CREBRF: variants seen among roughly 807,000 people sequenced by gnomAD.
CREBRF encodes the protein UPF0474 protein C5orf41.
CREBRF carries 5 observed loss-of-function variants against 66.1 expected under a neutral mutation model. That is an observed-to-expected ratio of 0.08 (90% CI 0.04 to 0.16). The LOEUF is 0.16. Among genes scored for constraint, CREBRF ranks in the 10% least tolerant of loss-of-function variants. The probability of loss-of-function intolerance (pLI) is 1.00; values close to 1 mark genes in which losing one functional copy is unlikely to be tolerated. For missense variants in CREBRF, 531 were observed against 744.9 expected (o/e 0.71, Z 3.34); for synonymous variants, 229 against 264.4 (o/e 0.87, Z 1.30).
intron 8 of CREBRF, among the ~76,000 whole-genome samples, chr5:173,131,184 T>A (rs1314293153): frequency 6.6e-6 from 1 of 152,222 alleles, no homozygotes; most frequent in Non-Finnish European, 1.5e-5. Context: ...TCTACCTCTA[T>A]CTACATGTGT....
At chr5:173,092,728 T>C (rs1189614214) in intron 4 of CREBRF, among the ~76,000 whole-genome samples, 1 of 152,222 alleles carries the variant, frequency 6.6e-6, no homozygotes, top group East Asian at 1.9e-4. Context: ...TAGTGAAACA[T>C]TATTCTTACT....
intron 4 of CREBRF, 186 bp downstream of exon 4, chr5:173,091,587 T>C (rs1758341583): frequency 7.2e-7 from 1 of 1,382,168 alleles, no homozygotes. Flanking sequence ...TCACTTTTGC[T>C]CACATAGGGA....
chr5:173,095,398 C>T (rs1430170455), intron 4 of CREBRF, among the ~76,000 whole-genome samples: 3 of 151,894 alleles, frequency 2.0e-5, no homozygotes. Flanking sequence ...ACTGTCTTAG[C>T]CAGGATGGTC....
intron 3 of CREBRF, among the ~76,000 whole-genome samples, chr5:173,088,828 A>T (rs1758242776): frequency 6.6e-6 from 1 of 152,170 alleles, no homozygotes; most frequent in Non-Finnish European, 1.5e-5. Context: ...TGAATTGTCT[A>T]CTTAATATAG....
intron 4 of CREBRF, among the ~76,000 whole-genome samples, chr5:173,105,753 C>T (rs143861528): frequency 0.02 from 2,993 of 152,034 alleles, 105 homozygotes; most frequent in African/African-American, 0.067. Context: ...CATGAGCCAC[C>T]GTGCCTGGCC....
chr5:173,113,714 A>G (rs1758921268), intron 7 of CREBRF, among the ~76,000 whole-genome samples: 1 of 152,172 alleles, frequency 6.6e-6, no homozygotes, highest in Non-Finnish European at 1.5e-5. Context: ...CATGTAGAAA[A>G]TTATCATCTC....
Position 173,067,926 on chromosome 5 carries a change from G to A in CREBRF, c.-192+11447G>A, listed in dbSNP as rs549539545. Among the ~76,000 whole-genome samples the A allele has an allele frequency of 1.0e-3, 156 of 152,228 alleles. 2 individuals are homozygous for A. Among genetic ancestry groups the A allele is most frequent in the Admixed American group, 9.2e-3 (141 of 15,286 alleles). On this transcript the variant is annotated intron_variant, in intron 1 of 8. Transcript: ENST00000296953. ...GAGGCAGGAGAATGGTGTGAACCCA[G>A]AAGGTGGAGCTTGCAGTGAGCCAAG...
intron 5 of CREBRF, 184 bp from the exon 6 acceptor site, chr5:173,110,338 A>T (rs942603251): frequency 2.9e-6 from 2 of 690,950 alleles, no homozygotes; most frequent in Non-Finnish European, 5.3e-6. Flanking sequence ...CAGCCACAAG[A>T]TGGGAAGGAG....
At chr5:173,093,508 A>G (rs897730075) in intron 4 of CREBRF, among the ~76,000 whole-genome samples, 2 of 152,204 alleles carry the variant, frequency 1.3e-5, no homozygotes, top group African/African-American at 2.4e-5. Context: ...AATTTGGCCT[A>G]CACAATACAG....
intron 2 of CREBRF, among the ~76,000 whole-genome samples, chr5:173,081,228 G>GAC (rs1581670469): frequency 1.3e-5 from 2 of 152,036 alleles, no homozygotes; most frequent in East Asian, 3.9e-4. Flanking sequence ...CTTTCTCATA[G>GAC]ACACACACAC....
rs181616692 is a variant in CREBRF at position 173,127,262 on chromosome 5, A to G, written c.1804+4060A>G. On this transcript the variant is annotated intron_variant, in intron 8 of 8. Coordinates refer to ENST00000296953, the MANE Select transcript of CREBRF (RefSeq NM_153607.3). ...ACTGCAACCTCCGCCTCCTGGGTTC[A>G]AGTGGTTCTTATGCCTCAGCCTTCT... 2.7e-5 allele frequency among the ~76,000 whole-genome samples: 4 copies of G among 149,242 alleles called. No individual in the cohort carries two copies. In the East Asian group the frequency reaches 7.9e-4, roughly 29 times the overall value.
intron 7 of CREBRF, among the ~76,000 whole-genome samples, chr5:173,120,052 C>T (rs1227583643): frequency 6.6e-6 from 1 of 151,970 alleles, no homozygotes; most frequent in Admixed American, 6.5e-5. Flanking sequence ...ATGTTGGATT[C>T]CATTGTTAAT....
intron 2 of CREBRF, chr5:173,085,266 G>A (rs1424020682): frequency 3.5e-6 from 2 of 566,300 alleles, no homozygotes; most frequent in Non-Finnish European, 6.1e-6. Flanking sequence ...TTAATCTTTA[G>A]TTTGATTTAA....
At chr5:173,128,844 G>C (rs1284845137) in intron 8 of CREBRF, among the ~76,000 whole-genome samples, 1 of 151,694 alleles carries the variant, frequency 6.6e-6, no homozygotes, top group African/African-American at 2.4e-5. Flanking sequence ...GCAGTGGCTC[G>C]ATCTCGGCTC....
intron 4 of CREBRF, among the ~76,000 whole-genome samples, chr5:173,098,189 C>CTTT (rs1272404813): frequency 2.9e-5 from 4 of 140,042 alleles, no homozygotes; most frequent in African/African-American, 5.2e-5. Context: ...AATTTTCCTT[C>CTTT]TTTTTTTTTT....
chr5:173,084,598 C>T (rs1054030607), intron 2 of CREBRF, among the ~76,000 whole-genome samples: 6 of 151,858 alleles, frequency 4.0e-5, no homozygotes, highest in South Asian at 2.1e-4. Flanking sequence ...GGTAGGTACG[C>T]GGCATTTGTC....
chr5:173,089,263 ACT>A (rs890705532), intron 3 of CREBRF, among the ~76,000 whole-genome samples: 14 of 151,480 alleles, frequency 9.2e-5, no homozygotes, highest in Admixed American at 6.6e-4. Context: ...AAAAAAAATA[ACT>A]CTGGAAGACT....
chr5:173,128,495 A>T (rs1253114635), intron 8 of CREBRF, among the ~76,000 whole-genome samples: 1 of 151,794 alleles, frequency 6.6e-6, no homozygotes, highest in Non-Finnish European at 1.5e-5. Context: ...CTCTGTGTAG[A>T]ACTGAGAAAA....
chr5:173,067,460 A>G (rs1353074287), intron 1 of CREBRF, among the ~76,000 whole-genome samples: 1 of 152,164 alleles, frequency 6.6e-6, no homozygotes, highest in African/African-American at 2.4e-5. Flanking sequence ...TAAAGAGGAT[A>G]CCTCTTTTTA....
Sources: allele counts gnomAD v4.1 joint callset (sites outside exome capture counted in the v4.1 genomes callset), GRCh38; gene constraint gnomAD v4.1.1; transcripts MANE v1.5; gene names NCBI Gene and HGNC (gene_info 2026-07-23, HGNC 2026-07-21).